The following EEIG2 variants were observed in gnomAD, a reference collection of about 807,000 sequenced individuals.
The protein encoded by EEIG2 is EEIG family member 2.
At chr1:108,606,948 C>T in the EEIG2 span, among the ~76,000 whole-genome samples, 1 of 152,200 alleles carries the variant, frequency 6.6e-6, no homozygotes, top group Non-Finnish European at 1.5e-5. Context: ...CAGGCGTTAA[C>T]CACCATGCCT....
At chr1:108,560,658 C>T in the EEIG2 span, 7 of 1,414,312 alleles carry the variant, frequency 4.9e-6, no homozygotes, top group Admixed American at 1.1e-4. Context: ...GCTCGCCTTT[C>T]CCTAGGGACC....
At chr1:108,578,600 A>C in the EEIG2 span, among the ~76,000 whole-genome samples, 1 of 151,382 alleles carries the variant, frequency 6.6e-6, no homozygotes, top group Non-Finnish European at 1.5e-5. Flanking sequence ...GCTGGATTAC[A>C]TTTATTGATT....
the EEIG2 span, among the ~76,000 whole-genome samples, chr1:108,564,786 C>T: frequency 6.6e-6 from 1 of 151,714 alleles, no homozygotes; most frequent in African/African-American, 2.4e-5. Flanking sequence ...CTACAAAAAA[C>T]ATACCAAAAA....
At chr1:108,564,212 C>T in the EEIG2 span, among the ~76,000 whole-genome samples, 1,449 of 151,230 alleles carry the variant, frequency 9.6e-3, 24 homozygotes, top group African/African-American at 0.033. Flanking sequence ...GTTAAAGTGG[C>T]GTATCACCTG....
chr1:108,619,798 G>A, the EEIG2 span, among the ~76,000 whole-genome samples: 1 of 152,198 alleles, frequency 6.6e-6, no homozygotes, highest in African/African-American at 2.4e-5. Context: ...TCTGAGGTGG[G>A]AGGATCCCTT....
chr1:108,584,294 A>G, the EEIG2 span, among the ~76,000 whole-genome samples: 4 of 152,180 alleles, frequency 2.6e-5, no homozygotes, highest in Non-Finnish European at 4.4e-5. Context: ...ATTAAAAACA[A>G]ACTCATGATT....
chr1:108,598,868 C>T, the EEIG2 span, among the ~76,000 whole-genome samples: 1 of 152,066 alleles, frequency 6.6e-6, no homozygotes, highest in African/African-American at 2.4e-5. Flanking sequence ...TGGCTTACAC[C>T]TGTAATCCTA....
chr1:108,587,942 A>C, the EEIG2 span, among the ~76,000 whole-genome samples: 1 of 152,160 alleles, frequency 6.6e-6, no homozygotes, highest in African/African-American at 2.4e-5. Context: ...TCCACATATA[A>C]GTGAGATTAT....
the EEIG2 span, among the ~76,000 whole-genome samples, chr1:108,572,690 A>G: frequency 8.5e-5 from 13 of 152,146 alleles, no homozygotes; most frequent in Admixed American, 4.6e-4. Context: ...ATCTCGGCTC[A>G]CTGCAACCTC....
the EEIG2 span, among the ~76,000 whole-genome samples, chr1:108,562,763 T>A: frequency 1.1e-4 from 17 of 151,982 alleles, no homozygotes; most frequent in Non-Finnish European, 2.2e-4. Context: ...TCCAAGAAGG[T>A]CCATTTGCTT....
the EEIG2 span, among the ~76,000 whole-genome samples, chr1:108,579,772 T>TGTGAGAGAGAGAGAGAGAGA: frequency 4.1e-3 from 239 of 58,864 alleles, 1 homozygote; most frequent in African/African-American, 4.0e-3. Flanking sequence ...TGTGTGTGTG[T>TGTGAGAGAGAGAGAGAGAGA]GAGAGAGAGA....
At chr1:108,576,778 G>A in the EEIG2 span, among the ~76,000 whole-genome samples, 1 of 150,498 alleles carries the variant, frequency 6.6e-6, no homozygotes, top group Non-Finnish European at 1.5e-5. Flanking sequence ...TGTCTTTATA[G>A]CAGCATGATT....
the EEIG2 span, among the ~76,000 whole-genome samples, chr1:108,600,958 C>T: frequency 9.2e-5 from 14 of 152,118 alleles, no homozygotes; most frequent in African/African-American, 3.4e-4. Context: ...CTGTATATAT[C>T]TATATCCACT....
chr1:108,624,449 A>AAC, the EEIG2 span, among the ~76,000 whole-genome samples: 1 of 150,256 alleles, frequency 6.7e-6, no homozygotes, highest in Middle Eastern at 3.5e-3. Flanking sequence ...AAAAAAAAAA[A>AAC]CCCTTTTCTT....
the EEIG2 span, chr1:108,638,562 T>G: frequency 6.6e-6 from 1 of 152,248 alleles, no homozygotes; most frequent in African/African-American, 2.4e-5. Flanking sequence ...ATGACGGGGT[T>G]GCATTTTATT....
the EEIG2 span, among the ~76,000 whole-genome samples, chr1:108,620,580 CT>C: frequency 3.3e-5 from 5 of 152,132 alleles, no homozygotes; most frequent in Non-Finnish European, 7.4e-5. Flanking sequence ...ATATAAGTCT[CT>C]TGAATAGCAA....
chr1:108,600,889 C>G, the EEIG2 span, among the ~76,000 whole-genome samples: 3 of 151,884 alleles, frequency 2.0e-5, no homozygotes, highest in Non-Finnish European at 4.4e-5. Flanking sequence ...TATTCAAGAA[C>G]CTTCATCTCA....
chr1:108,610,858 T>C, the EEIG2 span, among the ~76,000 whole-genome samples: 6 of 151,904 alleles, frequency 3.9e-5, no homozygotes, highest in African/African-American at 1.5e-4. Context: ...GGCGTGAAGC[T>C]GGGAGGCAGA....
chr1:108,599,014 A>G, the EEIG2 span, among the ~76,000 whole-genome samples: 1 of 151,976 alleles, frequency 6.6e-6, no homozygotes, highest in Non-Finnish European at 1.5e-5. Context: ...AAAATACAAA[A>G]CTTGGTTGAG....
Sources: allele counts gnomAD v4.1 joint callset (sites outside exome capture counted in the v4.1 genomes callset), GRCh38; gene constraint gnomAD v4.1.1; transcripts MANE v1.5; gene names NCBI Gene and HGNC (gene_info 2026-07-23, HGNC 2026-07-21).